Variants in CNOT9 observed in about 807,000 individuals in gnomAD.
CNOT9 encodes the protein RCD1 required for cell differentiation1 homolog.
A neutral mutation model predicts 37.4 loss-of-function variants in CNOT9; 8 were observed. The ratio of observed to expected loss-of-function variants is 0.21; its 90% CI spans 0.13 to 0.39. The LOEUF (loss-of-function observed/expected upper bound fraction) is 0.39, where lower values mean the gene tolerates loss of function less well. Ranked by LOEUF, CNOT9 falls within the 10% of genes least tolerant of loss-of-function variation. CNOT9 has a pLI of 1.00. For synonymous variants in CNOT9, 120 were observed against 137.6 expected (o/e 0.87, Z 0.90); for missense variants, 154 against 365.3 (o/e 0.42, Z 4.71).
intron 4 of CNOT9, chr2:218,587,375 G>A (rs779391606): frequency 3.1e-4 from 306 of 999,944 alleles, no homozygotes; most frequent in Non-Finnish European, 3.6e-4. Flanking sequence ...TGCCCGCCTC[G>A]GCCTCCCAAA....
intron 1 of CNOT9, 152 bp from the exon 2 acceptor site, chr2:218,580,409 C>A: frequency 3.3e-6 from 2 of 605,158 alleles, no homozygotes; most frequent in South Asian, 4.8e-5. Context: ...CAGTAACTAC[C>A]AAAGAGATTG....
chr2:218,575,154 T>C (rs543996467), intron 1 of CNOT9, among the ~76,000 whole-genome samples: 4 of 152,308 alleles, frequency 2.6e-5, no homozygotes, highest in African/African-American at 9.6e-5. Flanking sequence ...GATTTTGAAG[T>C]CACTTCAGGC....
chr2:218,591,767 G>A (rs1355834672), intron 5 of CNOT9, among the ~76,000 whole-genome samples: 1 of 151,578 alleles, frequency 6.6e-6, no homozygotes, highest in Non-Finnish European at 1.5e-5. Flanking sequence ...AAAGAAAAAA[G>A]AAAGAAAGGC....
In CNOT9 at chr2:218,576,784, G is replaced by A. The variant is rs921546204; in HGVS notation, c.25-3777G>A. On this transcript the variant is annotated intron_variant, in intron 1 of 7. Coordinates refer to ENST00000273064, the MANE Select transcript of CNOT9 (RefSeq NM_005444.3). ...GGAGTTTGAGATCAGCCTGGCCAAC[G>A]TGGGAAGGTCCCATCTCTGCTAAAA... Among the ~76,000 whole-genome samples, 4 of 152,084 alleles carry A rather than the reference G, an allele frequency of 2.6e-5. No homozygotes were observed. In the South Asian group the frequency reaches 6.2e-4, roughly 24 times the overall value.
chr2:218,571,387 A>G (rs1035446486), intron 1 of CNOT9, among the ~76,000 whole-genome samples: 3 of 152,180 alleles, frequency 2.0e-5, no homozygotes, highest in Non-Finnish European at 2.9e-5. Context: ...GTGAATGGCC[A>G]CTGGACTCCA....
At chr2:218,585,665 G>A (rs1385720840) in intron 4 of CNOT9, among the ~76,000 whole-genome samples, 1 of 146,220 alleles carries the variant, frequency 6.8e-6, no homozygotes, top group African/African-American at 2.6e-5. Context: ...TTGAGACAAG[G>A]TCTTGCTCTG....
At chr2:218,581,124 A>G (rs1347837777) in intron 2 of CNOT9, 4 of 306,452 alleles carry the variant, frequency 1.3e-5, no homozygotes, top group Non-Finnish European at 2.6e-5. Flanking sequence ...GGTACAATAT[A>G]TTCTATGGAA....
At chr2:218,575,430 G>A (rs1020982679) in intron 1 of CNOT9, among the ~76,000 whole-genome samples, 4 of 142,004 alleles carry the variant, frequency 2.8e-5, no homozygotes, top group Non-Finnish European at 6.0e-5. Context: ...CTGTAGCTCA[G>A]GCTGGAGTAC....
intron 1 of CNOT9, among the ~76,000 whole-genome samples, chr2:218,577,680 A>G (rs190182499): frequency 2.6e-5 from 4 of 152,336 alleles, no homozygotes; most frequent in Non-Finnish European, 5.9e-5. Context: ...TTCAGGAGGC[A>G]TGGTATGCAA....
At chr2:218,574,947 CAA>C (rs913561815) in intron 1 of CNOT9, among the ~76,000 whole-genome samples, 3 of 151,788 alleles carry the variant, frequency 2.0e-5, no homozygotes, top group Admixed American at 6.6e-5. Flanking sequence ...AATTATACGT[CAA>C]AGTTTTTTTT....
chr2:218,591,529 G>A (rs1694776055), intron 5 of CNOT9, among the ~76,000 whole-genome samples: 1 of 152,164 alleles, frequency 6.6e-6, no homozygotes, highest in South Asian at 2.1e-4. Flanking sequence ...GGATCACGAG[G>A]TCAGGGAATT....
chr2:218,573,623 A>G (rs1694072230), intron 1 of CNOT9: 1 of 152,180 alleles, frequency 6.6e-6, no homozygotes, highest in Non-Finnish European at 1.5e-5. Flanking sequence ...AGAGAAGGAA[A>G]TCATTTTCTT....
intron 4 of CNOT9, among the ~76,000 whole-genome samples, chr2:218,586,970 A>G (rs1445389418): frequency 6.6e-6 from 1 of 152,182 alleles, no homozygotes; most frequent in Non-Finnish European, 1.5e-5. Flanking sequence ...GAAGACATAT[A>G]CTACCTGAGT....
chr2:218,583,163 A>C, intron 3 of CNOT9, 77 bp downstream of exon 3: 1 of 788,082 alleles, frequency 1.3e-6, no homozygotes, highest in Admixed American at 2.0e-5. Context: ...TAATAAAAGG[A>C]AGGGCATGGA....
At chr2:218,593,717 A>C (rs1694851318) in intron 7 of CNOT9, 2 of 1,228,068 alleles carry the variant, frequency 1.6e-6, no homozygotes, top group Non-Finnish European at 2.1e-6. Context: ...AAATTCATTA[A>C]GTTATCATAA....
intron 1 of CNOT9, chr2:218,572,768 A>C: frequency 1.2e-6 from 1 of 829,646 alleles, no homozygotes; most frequent in Non-Finnish European, 1.5e-6. Flanking sequence ...ACTGATTTCC[A>C]CTGACAATTC....
rs536678985 is a variant in CNOT9, at chr2:218,594,392, G to A, written c.*116G>A. The A allele has an allele frequency of 6.3e-4, 745 of 1,191,092 alleles. 4 individuals are homozygous for A. In the African/African-American group the frequency reaches 0.01, roughly 16 times the overall value. The allele number at this position is 1,191,092 out of a possible 1,614,324, so 73.8% of individuals were successfully genotyped here. A position where few individuals can be genotyped will look rare whatever the true frequency, so the allele number is the denominator to read the frequency against. On this transcript the variant is annotated 3_prime_UTR_variant, in exon 8 of 8. Coordinates refer to ENST00000273064, the MANE Select transcript of CNOT9 (RefSeq NM_005444.3). The stretch of plus-strand genomic sequence containing the variant: ...GAATAGACAACCTCAATGCTGAACC[G>A]CACTGGAGAAAAGGGGCAAGGTACC...
In CNOT9 at chr2:218,583,042, T is replaced by C; in HGVS notation, c.276T>C (p.Asn92=). ...CACACCAGTCTAACAGAGTTTGCAA[T>C]GCTCTGGCATTACTGCAATGTGTAG... is the stretch of plus-strand genomic sequence containing the variant. ...LTAHQSNRVC[N]ALALLQCVAS... is the part of the protein sequence containing the mutation. Residue 92 remains asparagine, a synonymous_variant, in exon 3 of 8, where the codon AAT becomes AAC. Transcript: ENST00000273064. 1.9e-6 allele frequency: 3 copies of C among 1,614,078 alleles called. No homozygotes were observed. The highest frequency in any genetic ancestry group is 2.5e-6 in the Non-Finnish European group (3 of 1,179,916).
intron 1 of CNOT9, among the ~76,000 whole-genome samples, chr2:218,579,403 C>CT (rs1461499296): frequency 1.3e-5 from 2 of 152,136 alleles, no homozygotes; most frequent in Non-Finnish European, 2.9e-5. Flanking sequence ...AGAGCTGCTT[C>CT]TTTTTTTAAA....
Sources: gnomAD v4.1 joint callset for allele counts (sites outside exome capture counted in the v4.1 genomes callset) on GRCh38, gnomAD v4.1.1 for gene constraint, MANE v1.5 for transcripts, NCBI Gene and HGNC (gene_info 2026-07-23, HGNC 2026-07-21) for gene names.